KCNIP4: variants seen among roughly 807,000 people sequenced by gnomAD.
KCNIP4 encodes the protein Kv channel-interacting protein 4.
KCNIP4 carries 12 observed loss-of-function variants against 34.0 expected under a neutral mutation model. The observed-to-expected ratio is 0.35, with a 90% CI of 0.23 to 0.57. The LOEUF is 0.57. Ranked by LOEUF, KCNIP4 falls within the 20% of genes least tolerant of loss-of-function variation. KCNIP4 has a pLI of 0.83. For missense variants in KCNIP4, 238 were observed against 311.7 expected, an observed-to-expected ratio of 0.76 and a Z score of 1.78; for synonymous variants, 124 against 102.2, an observed-to-expected ratio of 1.21 and a Z score of -1.29.
intron 1 of KCNIP4, among the ~76,000 whole-genome samples, chr4:21,295,789 C>G (rs947588391): frequency 6.6e-6 from 1 of 152,000 alleles, no homozygotes; most frequent in African/African-American, 2.4e-5. Context: ...TTATATATTC[C>G]TATATATTCC....
intron 2 of KCNIP4, among the ~76,000 whole-genome samples, chr4:20,855,655 C>A (rs913070372): frequency 6.2e-5 from 9 of 144,082 alleles, no homozygotes; most frequent in Non-Finnish European, 9.0e-5. Context: ...TTATTGCCCT[C>A]AAGGAGTTTA....
At chr4:21,404,309 T>G (rs989252257) in intron 1 of KCNIP4, among the ~76,000 whole-genome samples, 1 of 152,244 alleles carries the variant, frequency 6.6e-6, no homozygotes, top group African/African-American at 2.4e-5. Flanking sequence ...TCTTTTAGAA[T>G]ACAAGCTCCT....
chr4:20,989,774 G>A (rs1736916633), intron 1 of KCNIP4, among the ~76,000 whole-genome samples: 1 of 152,046 alleles, frequency 6.6e-6, no homozygotes, highest in Non-Finnish European at 1.5e-5. Flanking sequence ...TTCAAGACCA[G>A]CCCGGGCAAC....
chr4:20,877,845 C>T (rs1008158927), intron 2 of KCNIP4, among the ~76,000 whole-genome samples: 5 of 152,118 alleles, frequency 3.3e-5, no homozygotes, highest in African/African-American at 7.2e-5. Flanking sequence ...GTTTATTCAA[C>T]TTCTCAGTTG....
intron 1 of KCNIP4, among the ~76,000 whole-genome samples, chr4:21,206,307 T>C (rs1756848568): frequency 6.6e-6 from 1 of 152,208 alleles, no homozygotes; most frequent in Non-Finnish European, 1.5e-5. Context: ...TTCTGGATAC[T>C]GCAGTAGCTG....
At chr4:20,942,523 C>T (rs1298765526) in intron 1 of KCNIP4, among the ~76,000 whole-genome samples, 1 of 152,040 alleles carries the variant, frequency 6.6e-6, no homozygotes, top group Admixed American at 6.6e-5. Context: ...CTTCTTTGGT[C>T]CCCACCACAC....
chr4:21,940,733 C>G (rs34201841), intron 1 of KCNIP4, among the ~76,000 whole-genome samples: 1 of 152,144 alleles, frequency 6.6e-6, no homozygotes. Context: ...ATATTCTCGC[C>G]TTTCTAAATT....
At chr4:21,125,136 G>A (rs1750503264) in intron 1 of KCNIP4, among the ~76,000 whole-genome samples, 1 of 145,432 alleles carries the variant, frequency 6.9e-6, no homozygotes, top group African/African-American at 2.5e-5. Context: ...GTGGTTCTCG[G>A]ACTTGAATGT....
chr4:21,275,182 C>T (rs1047303855), intron 1 of KCNIP4, among the ~76,000 whole-genome samples: 2 of 152,136 alleles, frequency 1.3e-5, no homozygotes, highest in Admixed American at 6.5e-5. Context: ...GAGATGAAGA[C>T]GTTGAGATCC....
chr4:21,133,563 C>T (rs531287464), intron 1 of KCNIP4, among the ~76,000 whole-genome samples: 24 of 152,326 alleles, frequency 1.6e-4, no homozygotes, highest in African/African-American at 5.5e-4. Context: ...CAACTATCAT[C>T]TCCCTGAATT....
At chr4:20,963,086 C>T (rs540840078) in intron 1 of KCNIP4, among the ~76,000 whole-genome samples, 167 of 151,800 alleles carry the variant, frequency 1.1e-3, no homozygotes, top group Non-Finnish European at 1.8e-3. Context: ...CTTTGGGAGG[C>T]GAGGCAGGCA....
chr4:21,934,380 T>C (rs1184309308), intron 1 of KCNIP4, among the ~76,000 whole-genome samples: 2 of 152,042 alleles, frequency 1.3e-5, no homozygotes, highest in African/African-American at 4.8e-5. Flanking sequence ...AAGCATTTAA[T>C]GGTTCTTTTT....
chr4:20,857,863 T>C (rs1193337678), intron 2 of KCNIP4, among the ~76,000 whole-genome samples: 5 of 152,162 alleles, frequency 3.3e-5, no homozygotes, highest in Non-Finnish European at 5.9e-5. Context: ...CCTCCTCAAA[T>C]TCATATGTTG....
chr4:21,667,460 T>C (rs1749073243), intron 1 of KCNIP4, among the ~76,000 whole-genome samples: 1 of 152,302 alleles, frequency 6.6e-6, no homozygotes, highest in East Asian at 1.9e-4. Context: ...AGAGAGGATG[T>C]TGGAGACAGA....
chr4:21,200,205 C>T (rs1437788077), intron 1 of KCNIP4, among the ~76,000 whole-genome samples: 2 of 151,542 alleles, frequency 1.3e-5, no homozygotes, highest in Admixed American at 1.3e-4. Context: ...AAGACACCTG[C>T]ATGCATATTT....
intron 2 of KCNIP4, among the ~76,000 whole-genome samples, chr4:20,867,916 A>G (rs1002998558): frequency 7.9e-5 from 12 of 151,996 alleles, no homozygotes; most frequent in African/African-American, 2.9e-4. Context: ...GCATTAGGAG[A>G]TATACCTAAT....
chr4:21,392,915 G>A (rs557157520), intron 1 of KCNIP4, among the ~76,000 whole-genome samples: 1 of 152,214 alleles, frequency 6.6e-6, no homozygotes, highest in South Asian at 2.1e-4. Flanking sequence ...ATGACATGAA[G>A]ACAAATATTC....
rs180792947 is a variant in KCNIP4 at position 20,741,634 on chromosome 4, A to G, written c.430-6899T>C. On this transcript the variant is annotated intron_variant, in intron 5 of 8. Transcript: ENST00000382152. ...AGAAAGCAGGAAAGATCTAAAATCA[A>G]CACCCTAACATCACAATTAAAAGAA... Among the ~76,000 whole-genome samples, 28 of 152,332 alleles carry G rather than the reference A, an allele frequency of 1.8e-4. No homozygotes were observed. In the East Asian group the frequency reaches 3.5e-3, roughly 19 times the overall value.
In KCNIP4 at chr4:20,861,970, GTTATTATTA is replaced by G. The variant is rs57269885; in HGVS notation, c.164-11312_164-11304del. On this transcript the variant is annotated intron_variant, in intron 2 of 8. Coordinates refer to ENST00000382152, the MANE Select transcript of KCNIP4 (RefSeq NM_025221.6). ...TCATGAATGGCCCCTTATGGTAGGA[GTTATTATTA>G]TTATTATTATTATTATTATTATTAT... Among the ~76,000 whole-genome samples the G allele has an allele frequency of 7.4e-3, 1,051 of 142,092 alleles. 11 individuals are homozygous for G. The highest frequency in any genetic ancestry group is 0.021 in the African/African-American group (821 of 38,194). 93.2% of individuals were successfully genotyped at this position (142,092 alleles called of 152,430 possible).
Sources: allele counts gnomAD v4.1 joint callset (sites outside exome capture counted in the v4.1 genomes callset), GRCh38; gene constraint gnomAD v4.1.1; transcripts MANE v1.5; gene names NCBI Gene and HGNC (gene_info 2026-07-23, HGNC 2026-07-21).